Variants in CNTN4 observed in about 807,000 individuals in gnomAD.
CNTN4 encodes the protein contactin 4.
CNTN4 carries 77 observed loss-of-function variants against 122.5 expected under a neutral mutation model. The observed-to-expected ratio is 0.63, with a 90% CI of 0.52 to 0.76. The LOEUF (loss-of-function observed/expected upper bound fraction) is 0.76, where lower values mean the gene tolerates loss of function less well. Among genes scored for constraint, CNTN4 ranks in the 30% least tolerant of loss-of-function variants. The pLI is 0.00. For missense variants in CNTN4, 1,256 were observed against 1,259.1 expected (o/e 1.00, Z 0.04); for synonymous variants, 512 against 447.0 (o/e 1.15, Z -1.83).
chr3:2,480,146 A>AC (rs1553662655), intron 3 of CNTN4, among the ~76,000 whole-genome samples: 3 of 151,874 alleles, frequency 2.0e-5, no homozygotes, highest in East Asian at 3.9e-4. Context: ...TCTAAAAAAA[A>AC]CCCTACAGTT....
intron 8 of CNTN4, among the ~76,000 whole-genome samples, chr3:2,868,052 C>T (rs1198790050): frequency 6.6e-6 from 1 of 151,996 alleles, no homozygotes; most frequent in Non-Finnish European, 1.5e-5. Context: ...TTTTTAAATC[C>T]TTTTACTGTC....
intron 2 of CNTN4, among the ~76,000 whole-genome samples, chr3:2,164,682 C>T (rs2036119552): frequency 6.6e-6 from 1 of 152,132 alleles, no homozygotes; most frequent in Admixed American, 6.5e-5. Context: ...TATCCAGTTT[C>T]TCATCTGCCA....
intron 12 of CNTN4, among the ~76,000 whole-genome samples, chr3:2,920,350 T>A (rs904586300): frequency 6.7e-6 from 1 of 150,194 alleles, no homozygotes; most frequent in Admixed American, 6.6e-5. Context: ...AAGAGGAAGA[T>A]CCTTGTGACA....
intron 3 of CNTN4, among the ~76,000 whole-genome samples, chr3:2,494,076 CTAT>C (rs1181380626): frequency 6.6e-6 from 1 of 151,042 alleles, no homozygotes; most frequent in African/African-American, 2.4e-5. Context: ...TTTATTTGAG[CTAT>C]TATTATTTTC....
At chr3:2,314,998 A>G (rs986132732) in intron 2 of CNTN4, among the ~76,000 whole-genome samples, 1 of 152,082 alleles carries the variant, frequency 6.6e-6, no homozygotes, top group Non-Finnish European at 1.5e-5. Flanking sequence ...GAGGTTTTCA[A>G]TAAACATGTT....
intron 4 of CNTN4, among the ~76,000 whole-genome samples, chr3:2,585,709 G>A (rs1197859347): frequency 6.7e-6 from 1 of 150,340 alleles, no homozygotes; most frequent in South Asian, 2.1e-4. Context: ...GGAGGGGTAG[G>A]GATAGCATTA....
intron 2 of CNTN4, among the ~76,000 whole-genome samples, chr3:2,267,216 A>C (rs894190868): frequency 6.6e-6 from 1 of 152,088 alleles, no homozygotes; most frequent in African/African-American, 2.4e-5. Context: ...TCCTAAGATG[A>C]TACTGCTTTT....
At chr3:2,572,544 T>A (rs1458265226) in intron 4 of CNTN4, among the ~76,000 whole-genome samples, 1 of 152,248 alleles carries the variant, frequency 6.6e-6, no homozygotes, top group Non-Finnish European at 1.5e-5. Flanking sequence ...CAGCTTGGGC[T>A]GCTGTGTATC....
chr3:3,003,972 C>G (rs542898637), intron 14 of CNTN4, among the ~76,000 whole-genome samples: 1 of 152,202 alleles, frequency 6.6e-6, no homozygotes, highest in East Asian at 1.9e-4. Flanking sequence ...ATTGCCCAGG[C>G]TAGTCTAGAA....
intron 2 of CNTN4, among the ~76,000 whole-genome samples, chr3:2,129,324 G>T (rs901522184): frequency 3.3e-5 from 5 of 150,972 alleles, no homozygotes; most frequent in African/African-American, 1.2e-4. Flanking sequence ...GGCATTGGGT[G>T]CAGCTATTTG....
chr3:2,944,337 A>G (rs1490348608), intron 13 of CNTN4, among the ~76,000 whole-genome samples: 1 of 152,174 alleles, frequency 6.6e-6, no homozygotes, highest in Non-Finnish European at 1.5e-5. Flanking sequence ...TAAAAAATAA[A>G]TCTAAGTAGT....
chr3:2,177,075 A>G (rs536480403), intron 2 of CNTN4, among the ~76,000 whole-genome samples: 88 of 152,278 alleles, frequency 5.8e-4, no homozygotes, highest in South Asian at 5.6e-3. Context: ...TTGTATATCA[A>G]ATAGTTAAAT....
At chr3:3,017,990 A>T (rs1042072369) in intron 14 of CNTN4, among the ~76,000 whole-genome samples, 1 of 152,196 alleles carries the variant, frequency 6.6e-6, no homozygotes, top group Non-Finnish European at 1.5e-5. Flanking sequence ...TCCTAACAGA[A>T]TGGATTTGTT....
At chr3:2,864,924 GA>G (rs2093708093) in intron 7 of CNTN4, among the ~76,000 whole-genome samples, 1 of 151,896 alleles carries the variant, frequency 6.6e-6, no homozygotes, top group Non-Finnish European at 1.5e-5. Context: ...TTGCATAGGA[GA>G]AAGCTTAGGT....
At chr3:2,168,916 TTG>T (rs1355546999) in intron 2 of CNTN4, among the ~76,000 whole-genome samples, 1 of 152,140 alleles carries the variant, frequency 6.6e-6, no homozygotes, top group Non-Finnish European at 1.5e-5. Context: ...AAATTAAAGA[TTG>T]TCTTAGATTT....
chr3:2,918,348 G>A (rs950005851), intron 12 of CNTN4, among the ~76,000 whole-genome samples: 1 of 152,150 alleles, frequency 6.6e-6, no homozygotes, highest in Non-Finnish European at 1.5e-5. Context: ...TCTCAGTCCT[G>A]GGTCAGCTGT....
At chr3:2,221,479 G>A (rs919516427) in intron 2 of CNTN4, among the ~76,000 whole-genome samples, 6 of 151,178 alleles carry the variant, frequency 4.0e-5, no homozygotes, top group African/African-American at 9.7e-5. Context: ...TCTTTATGAC[G>A]TTGGATTAGG....
chr3:2,392,091 T>G (rs1318465947), intron 3 of CNTN4, among the ~76,000 whole-genome samples: 1 of 152,200 alleles, frequency 6.6e-6, no homozygotes, highest in African/African-American at 2.4e-5. Context: ...AAGTAAAATG[T>G]TGCTACATGA....
chr3:2,747,351 G>A (rs10865816), intron 6 of CNTN4, among the ~76,000 whole-genome samples: 125,245 of 149,822 alleles, frequency 0.84, 53,192 homozygotes, highest in Non-Finnish European at 0.91. Flanking sequence ...GGAGCTTGCA[G>A]TGAGCCGAGA....
Sources: gnomAD v4.1 joint callset for allele counts (sites outside exome capture counted in the v4.1 genomes callset) on GRCh38, gnomAD v4.1.1 for gene constraint, MANE v1.5 for transcripts, NCBI Gene and HGNC (gene_info 2026-07-23, HGNC 2026-07-21) for gene names.